GRIK4: variants seen among roughly 807,000 people sequenced by gnomAD.
GRIK4 encodes the protein glutamate receptor ionotropic, kainate 4.
Under a neutral mutation model 104.9 loss-of-function variants are expected in GRIK4, and 40 were observed. That is an observed-to-expected ratio of 0.38 (90% confidence interval 0.30 to 0.50). The LOEUF (loss-of-function observed/expected upper bound fraction) is 0.50. Ranked by LOEUF, GRIK4 falls within the 20% of genes least tolerant of loss-of-function variation. GRIK4 has a pLI of 0.93. For synonymous variants in GRIK4, 485 were observed against 524.9 expected (o/e 0.92, Z 1.04); for missense variants, 1,047 against 1,308.1 (o/e 0.80, Z 3.08).
intron 1 of GRIK4, among the ~76,000 whole-genome samples, chr11:120,561,477 C>G (rs1431860623): frequency 6.6e-6 from 1 of 152,216 alleles, no homozygotes; most frequent in East Asian, 1.9e-4. Flanking sequence ...ACTCTAGGTC[C>G]CTTCTGCTGC....
At chr11:120,756,705 G>A (rs189946417) in intron 3 of GRIK4, among the ~76,000 whole-genome samples, 79 of 152,312 alleles carry the variant, frequency 5.2e-4, no homozygotes, top group South Asian at 1.2e-3. Flanking sequence ...AGGGGACACA[G>A]AGCTCAGATC....
intron 1 of GRIK4, among the ~76,000 whole-genome samples, chr11:120,583,029 T>A (rs1282929951): frequency 1.3e-5 from 2 of 152,228 alleles, no homozygotes; most frequent in Non-Finnish European, 2.9e-5. Context: ...GTTATTTTTT[T>A]ACTTTTTAAT....
At chr11:120,752,810 C>T (rs915360447) in intron 3 of GRIK4, among the ~76,000 whole-genome samples, 13 of 152,246 alleles carry the variant, frequency 8.5e-5, no homozygotes, top group African/African-American at 3.1e-4. Context: ...GTTTGCACAG[C>T]TGAGGCATGA....
chr11:120,873,800 T>A (rs1485609250), intron 9 of GRIK4: 2 of 359,682 alleles, frequency 5.6e-6, no homozygotes, highest in African/African-American at 4.1e-5. Flanking sequence ...CTTGAAGTCA[T>A]GTGGGGCCCA....
At chr11:120,935,765 C>T (rs561684017) in intron 13 of GRIK4, among the ~76,000 whole-genome samples, 1 of 152,234 alleles carries the variant, frequency 6.6e-6, no homozygotes, top group Admixed American at 6.5e-5. Context: ...GCACCAAGAA[C>T]CTGCTTTAAA....
At chr11:120,860,661 T>C (rs927166804) in intron 8 of GRIK4, among the ~76,000 whole-genome samples, 1 of 152,212 alleles carries the variant, frequency 6.6e-6, no homozygotes, top group African/African-American at 2.4e-5. Context: ...GCAACAAGTG[T>C]GTCTCTCTCA....
At chr11:120,982,356 G>A in intron 20 of GRIK4, 132 bp downstream of exon 20, 2 of 666,776 alleles carry the variant, frequency 3.0e-6, no homozygotes, top group East Asian at 5.0e-5. Context: ...GCCCAGCAGA[G>A]GGGATTTGGA....
intron 1 of GRIK4, among the ~76,000 whole-genome samples, chr11:120,544,246 C>G (rs550807845): frequency 2.6e-5 from 4 of 152,148 alleles, no homozygotes; most frequent in Non-Finnish European, 5.9e-5. Context: ...ATACTTGTCC[C>G]CAAACTCATC....
chr11:120,966,562 G>C (rs545253883), intron 18 of GRIK4, among the ~76,000 whole-genome samples: 137 of 152,254 alleles, frequency 9.0e-4, no homozygotes, highest in Middle Eastern at 3.4e-3. Context: ...AGTAGAGATG[G>C]GGTTTCACCA....
intron 15 of GRIK4, among the ~76,000 whole-genome samples, chr11:120,954,031 TG>T: frequency 6.6e-6 from 1 of 152,230 alleles, no homozygotes; most frequent in South Asian, 2.1e-4. Context: ...ATCCCATCTC[TG>T]TGGGGTGGGT....
intron 3 of GRIK4, among the ~76,000 whole-genome samples, chr11:120,775,832 G>C (rs986684687): frequency 3.3e-5 from 5 of 152,274 alleles, no homozygotes; most frequent in African/African-American, 1.2e-4. Flanking sequence ...GTTTGTGAGA[G>C]CCAAGCTCAG....
chr11:120,744,571 A>G (rs1226734353), intron 3 of GRIK4, among the ~76,000 whole-genome samples: 1 of 152,192 alleles, frequency 6.6e-6, no homozygotes, highest in Non-Finnish European at 1.5e-5. Flanking sequence ...CTGACTGGGC[A>G]GTCAGAGAAT....
intron 1 of GRIK4, among the ~76,000 whole-genome samples, chr11:120,563,609 AT>A (rs1425412553): frequency 6.6e-6 from 1 of 152,046 alleles, no homozygotes; most frequent in East Asian, 1.9e-4. Context: ...TACAGGTGGG[AT>A]AGATGGGTGC....
chr11:120,946,908 G>A (rs1479873965), intron 14 of GRIK4, among the ~76,000 whole-genome samples: 1 of 152,108 alleles, frequency 6.6e-6, no homozygotes, highest in Non-Finnish European at 1.5e-5. Context: ...TACTATCTCT[G>A]ATCCCAGAGA....
intron 3 of GRIK4, among the ~76,000 whole-genome samples, chr11:120,768,578 T>G (rs796713510): frequency 4.6e-5 from 7 of 152,334 alleles, no homozygotes; most frequent in African/African-American, 1.7e-4. Context: ...CTTTTCATAC[T>G]ATACTGAATA....
intron 1 of GRIK4, among the ~76,000 whole-genome samples, chr11:120,621,642 C>A (rs984514397): frequency 6.6e-6 from 1 of 152,062 alleles, no homozygotes; most frequent in South Asian, 2.1e-4. Context: ...CTGGGAGTTC[C>A]AAGATGGAGT....
intron 3 of GRIK4, among the ~76,000 whole-genome samples, chr11:120,749,735 AG>A (rs1951512341): frequency 6.6e-6 from 1 of 152,092 alleles, no homozygotes. Context: ...GTTGTAGAGG[AG>A]GGGCCCCACA....
At chr11:120,922,546 G>C (rs889902927) in intron 13 of GRIK4, among the ~76,000 whole-genome samples, 1 of 152,178 alleles carries the variant, frequency 6.6e-6, no homozygotes, top group Admixed American at 6.5e-5. Flanking sequence ...TCACCAGAAG[G>C]TCTTGTGGTG....
At chr11:120,607,148 TGAG>T (rs929710514) in intron 1 of GRIK4, among the ~76,000 whole-genome samples, 12 of 151,368 alleles carry the variant, frequency 7.9e-5, no homozygotes, top group African/African-American at 2.2e-4. Context: ...AGGTGAGAAA[TGAG>T]GAGGAGGAGG....
Sources: gnomAD v4.1 joint callset for allele counts (sites outside exome capture counted in the v4.1 genomes callset) on GRCh38, gnomAD v4.1.1 for gene constraint, MANE v1.5 for transcripts, NCBI Gene and HGNC (gene_info 2026-07-23, HGNC 2026-07-21) for gene names.